Variants in ZMIZ1 observed in about 807,000 individuals in gnomAD.
ZMIZ1 encodes zinc finger MIZ domain-containing protein 1.
In ZMIZ1, 17 loss-of-function variants were observed where a neutral mutation model predicts 113.9. The ratio of observed to expected loss-of-function variants is 0.15; its 90% confidence interval spans 0.10 to 0.22. The LOEUF (loss-of-function observed/expected upper bound fraction) is 0.22, where lower values mean the gene tolerates loss of function less well. ZMIZ1 is among the 10% of genes least tolerant of loss of function. ZMIZ1 has a pLI of 1.00. For synonymous variants in ZMIZ1, 607 were observed against 603.1 expected (o/e 1.01, Z -0.09); for missense variants, 1,059 against 1,477.8 (o/e 0.72, Z 4.65).
rs1842287837 is a variant in ZMIZ1, at chr10:79,071,554, T to G, written c.-337+2284T>G. On this transcript the variant is annotated intron_variant, in intron 1 of 24. Transcript: ENST00000334512. ...GAAGTTGAGATGAGAGAGCAAGCTC[T>G]TTCTTAGCCTTCTCAGCCCCGGCTG... is the stretch of plus-strand genomic sequence containing the variant. Among the ~76,000 whole-genome samples the G allele has an allele frequency of 2.6e-5, 4 of 152,286 alleles. No individual in the cohort carries two copies. In the South Asian group the frequency reaches 6.2e-4, roughly 24 times the overall value.
intron 1 of ZMIZ1, among the ~76,000 whole-genome samples, chr10:79,109,299 A>G (rs1049071850): frequency 4.6e-5 from 7 of 152,184 alleles, no homozygotes; most frequent in African/African-American, 7.2e-5. Flanking sequence ...TGGGCATGCA[A>G]CTGCCGCCTC....
intron 6 of ZMIZ1, among the ~76,000 whole-genome samples, chr10:79,213,634 C>A (rs1190020268): frequency 6.6e-6 from 1 of 152,212 alleles, no homozygotes; most frequent in Non-Finnish European, 1.5e-5. Flanking sequence ...ATTGGCCAAA[C>A]ATGGGGACTT....
chr10:79,231,700 T>C (rs1329237645), intron 7 of ZMIZ1, among the ~76,000 whole-genome samples: 4 of 152,066 alleles, frequency 2.6e-5, no homozygotes, highest in African/African-American at 9.7e-5. Context: ...TATCTCCGCC[T>C]CCCAAGTAGC....
At chr10:79,161,147 C>T (rs746138324) in intron 3 of ZMIZ1, among the ~76,000 whole-genome samples, 1 of 152,194 alleles carries the variant, frequency 6.6e-6, no homozygotes, top group South Asian at 2.1e-4. Flanking sequence ...CCAGTGCACC[C>T]GCAGGCCCTG....
At chr10:79,198,298 C>T (rs1847930050) in intron 4 of ZMIZ1, among the ~76,000 whole-genome samples, 1 of 152,126 alleles carries the variant, frequency 6.6e-6, no homozygotes, top group Non-Finnish European at 1.5e-5. Context: ...AGAGAAGAAG[C>T]ATGTACAGAT....
intron 4 of ZMIZ1, among the ~76,000 whole-genome samples, chr10:79,175,610 G>A (rs867083592): frequency 1.6e-4 from 20 of 122,240 alleles, no homozygotes; most frequent in East Asian, 8.1e-4. Flanking sequence ...GTGTGTGTGT[G>A]TGTGTGTGTG....
chr10:79,168,118 A>G (rs1221832631), intron 4 of ZMIZ1, among the ~76,000 whole-genome samples: 3 of 152,176 alleles, frequency 2.0e-5, no homozygotes, highest in Admixed American at 6.5e-5. Context: ...GTTACCTGCA[A>G]GCCCCCTTCA....
intron 8 of ZMIZ1, among the ~76,000 whole-genome samples, chr10:79,286,570 G>T (rs56742434): frequency 6.6e-5 from 10 of 152,240 alleles, no homozygotes; most frequent in Non-Finnish European, 1.3e-4. Context: ...AGGGCCTCGC[G>T]TGTGTGCACG....
chr10:79,149,525 C>A (rs968760758), intron 3 of ZMIZ1, among the ~76,000 whole-genome samples: 2 of 152,228 alleles, frequency 1.3e-5, no homozygotes, highest in Non-Finnish European at 2.9e-5. Flanking sequence ...CCATGGGTAG[C>A]CTTGCAGCCC....
At chr10:79,269,352 C>T (rs1294859049) in intron 7 of ZMIZ1, among the ~76,000 whole-genome samples, 1 of 152,028 alleles carries the variant, frequency 6.6e-6, no homozygotes, top group Admixed American at 6.6e-5. Context: ...CTTCAAGATG[C>T]TGCTGCCATT....
chr10:79,299,321 CATT>C, intron 16 of ZMIZ1, 130 bp downstream of exon 16: 1 of 1,315,074 alleles, frequency 7.6e-7, no homozygotes, highest in Non-Finnish European at 1.0e-6. Flanking sequence ...TGTTCAGCAT[CATT>C]GACTGGGCCC....
intron 1 of ZMIZ1, among the ~76,000 whole-genome samples, chr10:79,072,115 G>A (rs1842307883): frequency 6.6e-6 from 1 of 152,154 alleles, no homozygotes; most frequent in Non-Finnish European, 1.5e-5. Flanking sequence ...ATGCAGAAAA[G>A]GGTTGCTGGC....
At chr10:79,245,955 A>G (rs1180796823) in intron 7 of ZMIZ1, among the ~76,000 whole-genome samples, 1 of 152,260 alleles carries the variant, frequency 6.6e-6, no homozygotes, top group African/African-American at 2.4e-5. Context: ...AGCGCTGTCC[A>G]GGAGGATAGA....
chr10:79,142,955 C>T (rs1845336752), intron 3 of ZMIZ1, among the ~76,000 whole-genome samples: 1 of 152,198 alleles, frequency 6.6e-6, no homozygotes, highest in Admixed American at 6.5e-5. Context: ...TCCCAGGCCG[C>T]GAGTGAGTGT....
At chr10:79,180,926 C>T (rs1847096789) in intron 4 of ZMIZ1, among the ~76,000 whole-genome samples, 1 of 152,232 alleles carries the variant, frequency 6.6e-6, no homozygotes, top group Non-Finnish European at 1.5e-5. Flanking sequence ...GCTAGAATGC[C>T]CTCCCGCCAT....
intron 2 of ZMIZ1, among the ~76,000 whole-genome samples, chr10:79,121,175 T>TTC (rs1844272489): frequency 6.6e-6 from 1 of 152,222 alleles, no homozygotes; most frequent in African/African-American, 2.4e-5. Context: ...TTATGCTCTT[T>TTC]TCTCCCATGA....
At chr10:79,265,662 G>A (rs530324055) in intron 7 of ZMIZ1, among the ~76,000 whole-genome samples, 119 of 152,030 alleles carry the variant, frequency 7.8e-4, no homozygotes, top group African/African-American at 2.7e-3. Flanking sequence ...CCTCTCTGAT[G>A]TAGGTTCCAG....
In ZMIZ1 at chr10:79,292,148, C is replaced by T; in HGVS notation, c.759-10C>T. On this transcript the variant is annotated splice_polypyrimidine_tract_variant and intron_variant, in intron 10 of 24. Transcript: ENST00000334512. ...CAGTACCTAACTCTTCCACCCTTCT[C>T]CCCCTGCAGTTACCCTGGGGGTCCT... 6.2e-7 allele frequency: 1 copy of T among 1,603,882 alleles called. No homozygotes were observed. The highest frequency in any genetic ancestry group is 8.5e-7 in the Non-Finnish European group (1 of 1,173,782).
chr10:79,221,777 G>A (rs981143844), intron 7 of ZMIZ1, among the ~76,000 whole-genome samples: 5 of 152,208 alleles, frequency 3.3e-5, no homozygotes, highest in Non-Finnish European at 7.3e-5. Context: ...TGAAATAATC[G>A]AATAGGGAAT....
Sources: allele counts gnomAD v4.1 joint callset (sites outside exome capture counted in the v4.1 genomes callset), GRCh38; gene constraint gnomAD v4.1.1; transcripts MANE v1.5; gene names NCBI Gene and HGNC (gene_info 2026-07-23, HGNC 2026-07-21).